NVL: variants seen among roughly 807,000 people sequenced by gnomAD.
The protein encoded by NVL is nuclear valosin-containing protein-like.
Under a neutral mutation model 110.2 loss-of-function variants are expected in NVL, and 84 were observed. That is an observed-to-expected ratio of 0.76 (90% confidence interval 0.64 to 0.91). The LOEUF (loss-of-function observed/expected upper bound fraction) is 0.91, where lower values mean the gene tolerates loss of function less well. Among genes scored for constraint, NVL ranks in the 40% least tolerant of loss-of-function variants. NVL has a pLI of 0.00. For missense variants in NVL, 882 were observed against 1,035.9 expected (o/e 0.85, Z 2.04); for synonymous variants, 354 against 361.1 (o/e 0.98, Z 0.22).
chr1:224,295,364 T>C (rs1299104417), intron 11 of NVL, among the ~76,000 whole-genome samples: 3 of 151,952 alleles, frequency 2.0e-5, no homozygotes, highest in East Asian at 1.9e-4. Flanking sequence ...GGCTAATTTT[T>C]TTATTTTTTT....
At chr1:224,239,710 T>G (rs769377806) in intron 19 of NVL, among the ~76,000 whole-genome samples, 55 of 152,202 alleles carry the variant, frequency 3.6e-4, no homozygotes, top group Non-Finnish European at 1.8e-4. Flanking sequence ...CTCCACAAGG[T>G]CCTGTGCATC....
chr1:224,326,360 A>C, intron 2 of NVL, 31 bp downstream of exon 2: 1 of 1,521,792 alleles, frequency 6.6e-7, no homozygotes, highest in Non-Finnish European at 9.0e-7. Context: ...AGACATAAAA[A>C]TCCAAGGATC....
intron 2 of NVL, among the ~76,000 whole-genome samples, chr1:224,324,519 C>T (rs1301939202): frequency 6.6e-6 from 1 of 152,200 alleles, no homozygotes; most frequent in East Asian, 1.9e-4. Context: ...ACCTTGAACT[C>T]CTGGGCTCAA....
At chr1:224,278,525 C>T (rs533835227) in intron 16 of NVL, among the ~76,000 whole-genome samples, 1 of 152,154 alleles carries the variant, frequency 6.6e-6, no homozygotes, top group African/African-American at 2.4e-5. Context: ...GCCACCGCAC[C>T]CAGCCCAGAT....
chr1:224,290,625 A>G (rs1008945526), intron 12 of NVL, among the ~76,000 whole-genome samples: 6 of 151,970 alleles, frequency 3.9e-5, no homozygotes, highest in African/African-American at 1.5e-4. Context: ...ACACGGTGAA[A>G]CCCCGTCTCT....
intron 12 of NVL, 101 bp downstream of exon 12, chr1:224,294,162 AAGAG>A (rs769791240): frequency 1.6e-6 from 2 of 1,214,486 alleles, no homozygotes; most frequent in African/African-American, 1.5e-5. Flanking sequence ...TACAAAAAGA[AAGAG>A]AGAGAAAGAA....
intron 18 of NVL, among the ~76,000 whole-genome samples, chr1:224,263,254 G>A (rs1664158673): frequency 6.6e-6 from 1 of 152,138 alleles, no homozygotes; most frequent in South Asian, 2.1e-4. Context: ...GGGACACAGA[G>A]CCAAACCATA....
At chr1:224,227,927 G>A in intron 22 of NVL, 1 of 202,632 alleles carries the variant, frequency 4.9e-6, no homozygotes, top group Non-Finnish European at 1.0e-5. Flanking sequence ...AGAGGGAAAA[G>A]CACATGCAGG....
intron 8 of NVL, among the ~76,000 whole-genome samples, chr1:224,304,060 C>T (rs899651286): frequency 1.3e-5 from 2 of 152,174 alleles, no homozygotes; most frequent in African/African-American, 4.8e-5. Context: ...TAAGCTGTAA[C>T]ATTATATACC....
At chr1:224,306,022 A>G (rs1025030530) in intron 6 of NVL, among the ~76,000 whole-genome samples, 3 of 152,224 alleles carry the variant, frequency 2.0e-5, no homozygotes, top group Non-Finnish European at 4.4e-5. Flanking sequence ...TGAGTCTTCT[A>G]TATAGTTGTC....
chr1:224,259,040 A>G (rs1663630366), intron 18 of NVL, among the ~76,000 whole-genome samples: 1 of 149,684 alleles, frequency 6.7e-6, no homozygotes, highest in Admixed American at 6.7e-5. Context: ...GCTGGAGATG[A>G]GAAAAGGAAA....
intron 18 of NVL, among the ~76,000 whole-genome samples, chr1:224,254,882 T>G (rs1410177334): frequency 1.3e-5 from 2 of 149,374 alleles, no homozygotes; most frequent in South Asian, 2.1e-4. Context: ...GTGTAGTTTT[T>G]TTTTTTTTTT....
chr1:224,284,951 G>C (rs1666710918), intron 15 of NVL, among the ~76,000 whole-genome samples: 1 of 151,984 alleles, frequency 6.6e-6, no homozygotes. Flanking sequence ...TATTAGTCAA[G>C]GTACAAAAAT....
At chr1:224,245,956 C>T (rs1661770037) in intron 19 of NVL, among the ~76,000 whole-genome samples, 1 of 151,714 alleles carries the variant, frequency 6.6e-6, no homozygotes. Context: ...TGATTTTTTT[C>T]TTCTTCCATA....
intron 15 of NVL, among the ~76,000 whole-genome samples, chr1:224,284,583 T>C (rs1416193069): frequency 6.6e-6 from 1 of 152,154 alleles, no homozygotes; most frequent in Admixed American, 6.6e-5. Context: ...TTTTACCATG[T>C]TGCCCAAGCT....
chr1:224,324,787 C>T (rs140914301), intron 2 of NVL, among the ~76,000 whole-genome samples: 15 of 152,248 alleles, frequency 9.9e-5, no homozygotes, highest in Non-Finnish European at 1.9e-4. Flanking sequence ...TGAGTTAAGA[C>T]TTTTGGGGCT....
intron 2 of NVL, among the ~76,000 whole-genome samples, chr1:224,323,568 A>T (rs1456100141): frequency 6.6e-6 from 1 of 152,194 alleles, no homozygotes; most frequent in Non-Finnish European, 1.5e-5. Flanking sequence ...TGGGGACAAA[A>T]TTAAGGAAGG....
At position 224,278,043 on chromosome 1, in the gene NVL, A is replaced by C. The variant is rs574321674; in HGVS notation, c.1963-2585T>G. Reference sequence around the variant, plus strand: ...TAACAAACTTGTCCTACCAGACTGAACCCATTCCCATGGTTTTAGATGCCA... The same window carrying C: ...TAACAAACTTGTCCTACCAGACTGACCCCATTCCCATGGTTTTAGATGCCA... On this transcript the variant is annotated intron_variant, in intron 16 of 22. Transcript: ENST00000281701. 7.2e-5 allele frequency among the ~76,000 whole-genome samples: 11 copies of C among 152,166 alleles called. No homozygotes were observed. The Middle Eastern group carries it at 0.01, about 141-fold the overall frequency.
intron 18 of NVL, 74 bp from the exon 19 acceptor site, chr1:224,250,392 T>A: frequency 7.7e-7 from 1 of 1,306,926 alleles, no homozygotes; most frequent in Non-Finnish European, 1.0e-6. Flanking sequence ...TGAGAGAGGG[T>A]CTTGTTCCAT....
Sources: gnomAD v4.1 joint callset for allele counts (sites outside exome capture counted in the v4.1 genomes callset) on GRCh38, gnomAD v4.1.1 for gene constraint, MANE v1.5 for transcripts, NCBI Gene and HGNC (gene_info 2026-07-23, HGNC 2026-07-21) for gene names.